The following USP2 variants were observed in gnomAD, a reference collection of about 807,000 sequenced individuals.
The protein encoded by USP2 is ubiquitin carboxyl-terminal hydrolase 2.
USP2 carries 33 observed loss-of-function variants against 72.0 expected under a neutral mutation model. The observed-to-expected ratio is 0.46, with a 90% CI of 0.35 to 0.61. The LOEUF (loss-of-function observed/expected upper bound fraction) is 0.61. Ranked by LOEUF, USP2 falls within the 20% of genes least tolerant of loss-of-function variation. USP2 has a pLI of 0.01. For missense variants in USP2, 691 were observed against 797.8 expected (o/e 0.87, Z 1.61); for synonymous variants, 296 against 312.5 (o/e 0.95, Z 0.56).
chr11:119,361,465 CT>C (rs1950763940), intron 2 of USP2, among the ~76,000 whole-genome samples: 1 of 152,126 alleles, frequency 6.6e-6, no homozygotes, highest in Non-Finnish European at 1.5e-5. Context: ...GAGCAGGCAA[CT>C]CTGGAGCAAC....
intron 2 of USP2, among the ~76,000 whole-genome samples, chr11:119,364,495 G>T (rs1158016515): frequency 6.6e-6 from 1 of 152,182 alleles, no homozygotes; most frequent in Non-Finnish European, 1.5e-5. Flanking sequence ...TTTGGGGCCC[G>T]CAGAGGACGT....
Position 119,379,178 on chromosome 11 carries a change from A to G in USP2, c.-42+2295T>C, listed in dbSNP as rs990888705. 8 of 985,354 alleles carry G rather than the reference A, an allele frequency of 8.1e-6. No individual in the cohort carries two copies. The South Asian group carries it at 1.4e-4, about 17-fold the overall frequency. 61.0% of individuals were successfully genotyped at this position (985,354 alleles called of 1,614,324 possible). ...TATCTGACCTCGCAGACTCGCAGAG[A>G]TGGCGAGTGCAACTCACTTGCATTC... On this transcript the variant is annotated intron_variant, in intron 1 of 12. Coordinates refer to ENST00000260187, the MANE Select transcript of USP2 (RefSeq NM_004205.5).
intron 7 of USP2, 164 bp downstream of exon 7, chr11:119,358,609 C>T (rs1444474204): frequency 4.6e-6 from 4 of 869,936 alleles, no homozygotes; most frequent in Non-Finnish European, 7.3e-6. Context: ...AGCCACCATG[C>T]CCGGCCTGCA....
chr11:119,379,167 G>A, intron 1 of USP2: 1 of 985,472 alleles, frequency 1.0e-6, no homozygotes, highest in Non-Finnish European at 1.2e-6. Flanking sequence ...TGACCTCGCA[G>A]ACTCGCAGAG....
chr11:119,359,978 G>A (rs1337768584), intron 3 of USP2, among the ~76,000 whole-genome samples: 1 of 152,186 alleles, frequency 6.6e-6, no homozygotes, highest in African/African-American at 2.4e-5. Context: ...TGGGTAAAAG[G>A]GCAACTTCCT....
Position 119,357,958 on chromosome 11 carries a change from G to A in USP2, c.1422+23C>T, listed in dbSNP as rs1175503882. ...GTAGGTCCCACGGAAATTTGTTCTTGCTATTACCGAAGGGTGACTTACTGG... is the reference window on the plus strand; with the variant it reads ...GTAGGTCCCACGGAAATTTGTTCTTACTATTACCGAAGGGTGACTTACTGG... On this transcript the variant is annotated intron_variant, in intron 9 of 12. Transcript: ENST00000260187. 5.0e-6 allele frequency: 8 copies of A among 1,614,100 alleles called. No individual in the cohort carries two copies. The South Asian group carries it at 7.7e-5, about 16-fold the overall frequency.
intron 2 of USP2, among the ~76,000 whole-genome samples, chr11:119,369,894 C>T (rs11217258): frequency 0.086 from 13,110 of 152,138 alleles, 884 homozygotes; most frequent in East Asian, 0.39. Context: ...AGAACTTCTT[C>T]TTGGCCAGGC....
intron 2 of USP2, among the ~76,000 whole-genome samples, chr11:119,365,250 G>A (rs12285901): frequency 0.14 from 21,277 of 152,054 alleles, 2,566 homozygotes; most frequent in African/African-American, 0.32. Flanking sequence ...ACATGTACAC[G>A]CACACATGAC....
intron 6 of USP2, 28 bp from the exon 7 acceptor site, chr11:119,358,865 G>A (rs774632637): frequency 7.4e-6 from 12 of 1,613,074 alleles, no homozygotes; most frequent in Admixed American, 1.7e-5. Context: ...ACAACAATTG[G>A]GTCAAAGCTC....
chr11:119,355,481 G>T lies in USP2; in HGVS notation c.*1354C>A, dbSNP rs1178603033. The T allele has an allele frequency of 1.7e-4, 26 of 152,236 alleles. No homozygotes were observed. Among genetic ancestry groups the T allele is most frequent in the African/African-American group, 4.3e-4 (18 of 41,440 alleles). The allele number at this position is 152,236 out of a possible 1,614,324, so 9.4% of individuals were successfully genotyped here. On this transcript the variant is annotated 3_prime_UTR_variant, in exon 13 of 13. Transcript: ENST00000260187. ...CAGCTTTACTCTCCAGGACAGCACA[G>T]AGTTTTATCCAACTATGTAGGGCAA...
intron 4 of USP2, 88 bp downstream of exon 4, chr11:119,359,449 G>T: frequency 1.3e-6 from 2 of 1,596,394 alleles, no homozygotes; most frequent in Non-Finnish European, 8.5e-7. Flanking sequence ...CAGGATAGGA[G>T]TGTCTAAGAC....
intron 1 of USP2, among the ~76,000 whole-genome samples, chr11:119,374,582 G>A (rs1950976239): frequency 1.3e-5 from 2 of 152,218 alleles, no homozygotes; most frequent in Admixed American, 6.5e-5. Context: ...CCTGGCCAGT[G>A]TTCTTTCTAC....
chr11:119,357,582 G>A lies in USP2; in HGVS notation c.1510C>T (p.Arg504Trp). ...GTTCGGATCCTGGATTCTGAGAACC[G>A]CTTCAGATCTGGCATTGACGTGAGT... ...FPKILVLHLKRFSESRIRTSK... is the reference protein window; with the variant it reads ...FPKILVLHLKWFSESRIRTSK... The change falls in exon 11 of 13, where the codon CGG (arginine) becomes TGG (tryptophan). Residue 504 changes from arginine (R) to tryptophan (W), a missense_variant. By Grantham distance (101) the Arg-to-Trp change is moderately radical. Transcript: ENST00000260187. 1.2e-6 allele frequency: 2 copies of A among 1,614,140 alleles called. No homozygotes were observed. The highest frequency in any genetic ancestry group is 1.7e-6 in the Non-Finnish European group (2 of 1,180,032).
intron 2 of USP2, among the ~76,000 whole-genome samples, chr11:119,371,533 C>G (rs963075256): frequency 1.3e-5 from 2 of 152,164 alleles, no homozygotes; most frequent in African/African-American, 2.4e-5. Context: ...ACAACAAAGC[C>G]AAGACTCCCT....
chr11:119,364,108 A>C, intron 2 of USP2: 1 of 1,227,472 alleles, frequency 8.1e-7, no homozygotes, highest in African/African-American at 1.6e-5. Flanking sequence ...AGACCGCTAC[A>C]GGACAGCGTC....
chr11:119,379,045 C>T (rs1256484006), intron 1 of USP2: 2 of 985,544 alleles, frequency 2.0e-6, no homozygotes, highest in African/African-American at 1.7e-5. Context: ...GGGGGCTTCT[C>T]CTTCCCCAGC....
At chr11:119,363,278 G>T (rs1950792843) in intron 2 of USP2, among the ~76,000 whole-genome samples, 1 of 152,218 alleles carries the variant, frequency 6.6e-6, no homozygotes, top group African/African-American at 2.4e-5. Context: ...CTGCTTCCGC[G>T]GAGGGACCCG....
chr11:119,358,185 G>A lies in USP2; in HGVS notation c.1305C>T (p.Phe435=), dbSNP rs767580588. The A allele has an allele frequency of 9.9e-6, 16 of 1,613,918 alleles. No homozygotes were observed. The highest frequency in any genetic ancestry group is 2.2e-5 in the East Asian group (1 of 44,900). ...GCAGTGAGAGGTCCCAGAAGGGGTC[G>A]AAGACCGTAGAACAGTAACCACAAT... is the stretch of plus-strand genomic sequence containing the variant. The part of the protein sequence containing the change: ...CTDCGYCSTV[F]DPFWDLSLPI... Residue 435 remains phenylalanine, a synonymous_variant, in exon 8 of 13, where the codon TTC becomes TTT. Transcript: ENST00000260187.
intron 1 of USP2, among the ~76,000 whole-genome samples, chr11:119,379,954 G>A (rs1319514032): frequency 2.3e-5 from 3 of 132,452 alleles, no homozygotes; most frequent in Non-Finnish European, 3.1e-5. Context: ...AGTCTCCGTC[G>A]CCCAGGCTGC....
Sources: gnomAD v4.1 joint callset for allele counts (sites outside exome capture counted in the v4.1 genomes callset) on GRCh38, gnomAD v4.1.1 for gene constraint, MANE v1.5 for transcripts, NCBI Gene and HGNC (gene_info 2026-07-23, HGNC 2026-07-21) for gene names.